Variants in DIAPH3 observed in about 807,000 individuals in gnomAD.
DIAPH3 encodes the protein protein diaphanous homolog 3.
In DIAPH3, 117 loss-of-function variants were observed where a neutral mutation model predicts 144.3. That is an observed-to-expected ratio of 0.81 (90% CI 0.70 to 0.95). DIAPH3 has a LOEUF of 0.95. DIAPH3 is among the 40% of genes least tolerant of loss of function. The pLI is 0.00. For synonymous variants in DIAPH3, 519 were observed against 488.9 expected, an observed-to-expected ratio of 1.06 and a Z score of -0.81; for missense variants, 1,421 against 1,412.7, an observed-to-expected ratio of 1.01 and a Z score of -0.09.
At chr13:59,804,562 T>TA (rs1364071705) in intron 25 of DIAPH3, among the ~76,000 whole-genome samples, 1 of 152,162 alleles carries the variant, frequency 6.6e-6, no homozygotes, top group African/African-American at 2.4e-5. Context: ...ATGTGATCAA[T>TA]AAATGCCAGC....
At chr13:59,856,646 T>C (rs1313991759) in intron 22 of DIAPH3, among the ~76,000 whole-genome samples, 1 of 152,230 alleles carries the variant, frequency 6.6e-6, no homozygotes, top group Non-Finnish European at 1.5e-5. Context: ...GATCTCATTT[T>C]AACTCTCCTC....
chr13:60,130,070 G>A (rs1250809720), intron 2 of DIAPH3, among the ~76,000 whole-genome samples: 1 of 152,198 alleles, frequency 6.6e-6, no homozygotes, highest in Non-Finnish European at 1.5e-5. Context: ...ATTTAAATAA[G>A]TGAACAATCA....
chr13:60,063,218 T>C (rs1273072457), intron 4 of DIAPH3, among the ~76,000 whole-genome samples: 1 of 152,234 alleles, frequency 6.6e-6, no homozygotes, highest in African/African-American at 2.4e-5. Context: ...ATAAACCATT[T>C]TCTTTGCCCA....
At chr13:59,838,454 T>A (rs1239355645) in intron 23 of DIAPH3, 1 of 151,976 alleles carries the variant, frequency 6.6e-6, no homozygotes, top group Non-Finnish European at 1.5e-5. Context: ...TTATTTGGGT[T>A]AGGAAAATAT....
chr13:59,929,550 TGTTC>T (rs1317308495), intron 17 of DIAPH3, among the ~76,000 whole-genome samples: 233 of 147,422 alleles, frequency 1.6e-3, no homozygotes, highest in African/African-American at 5.3e-3. Flanking sequence ...ATCTAAATTT[TGTTC>T]TTTTTTTTTT....
chr13:59,670,883 C>T (rs756225793), intron 27 of DIAPH3, among the ~76,000 whole-genome samples: 3 of 152,110 alleles, frequency 2.0e-5, no homozygotes, highest in South Asian at 2.1e-4. Flanking sequence ...TGCACCCGGC[C>T]GGAAGTTCAC....
At chr13:59,765,176 T>C (rs1281966956) in intron 27 of DIAPH3, among the ~76,000 whole-genome samples, 1 of 152,222 alleles carries the variant, frequency 6.6e-6, no homozygotes, top group Non-Finnish European at 1.5e-5. Flanking sequence ...AACTAGTTTA[T>C]ATTACTTCCG....
chr13:59,987,407 A>G (rs2051472997), intron 12 of DIAPH3, among the ~76,000 whole-genome samples: 2 of 149,720 alleles, frequency 1.3e-5, no homozygotes, highest in African/African-American at 4.9e-5. Flanking sequence ...GCGCACCAGC[A>G]TGGCACATGT....
At chr13:59,992,651 T>C in intron 9 of DIAPH3, 68 bp from the exon 10 acceptor site, 1 of 1,243,952 alleles carries the variant, frequency 8.0e-7, no homozygotes, top group Non-Finnish European at 1.2e-6. Context: ...AAACGTAAAC[T>C]TCAAGGTTTT....
At chr13:60,141,308 T>G (rs1479054235) in intron 1 of DIAPH3, among the ~76,000 whole-genome samples, 1 of 142,844 alleles carries the variant, frequency 7.0e-6, no homozygotes, top group Non-Finnish European at 1.5e-5. Context: ...CCTAGTCTCA[T>G]AATTCTAATT....
At chr13:59,806,422 A>C (rs1019001189) in intron 25 of DIAPH3, among the ~76,000 whole-genome samples, 6 of 152,022 alleles carry the variant, frequency 3.9e-5, no homozygotes, top group African/African-American at 1.4e-4. Context: ...TGGTTATCCA[A>C]AAACCACATA....
chr13:60,105,125 A>AAAAAAAAAAAAAAAAAAAAAAC (rs2058383698), intron 3 of DIAPH3, among the ~76,000 whole-genome samples: 1 of 148,536 alleles, frequency 6.7e-6, no homozygotes, highest in African/African-American at 2.5e-5. Flanking sequence ...AAAAAAAAAA[A>AAAAAAAAAAAAAAAAAAAAAAC]CTGCCAGTGA....
chr13:59,774,314 A>G, intron 26 of DIAPH3, 66 bp from the exon 27 acceptor site: 1 of 1,337,662 alleles, frequency 7.5e-7, no homozygotes, highest in Non-Finnish European at 1.0e-6. Context: ...GGAAAACAGT[A>G]TTAGACATAC....
chr13:60,157,651 T>C (rs1406889265), intron 1 of DIAPH3, among the ~76,000 whole-genome samples: 2 of 152,230 alleles, frequency 1.3e-5, no homozygotes, highest in South Asian at 4.1e-4. Context: ...TTTCCTAATG[T>C]CAAATACCTT....
chr13:59,838,396 ATGTGTGTGTGTG>A (rs572819235), intron 23 of DIAPH3: 1 of 149,760 alleles, frequency 6.7e-6, no homozygotes, highest in Non-Finnish European at 1.5e-5. Context: ...TTAATTATAT[ATGTGTGTGTGTG>A]TGTGTGTGTA....
intron 3 of DIAPH3, among the ~76,000 whole-genome samples, chr13:60,094,044 C>G (rs1189821243): frequency 6.6e-6 from 1 of 152,178 alleles, no homozygotes; most frequent in Non-Finnish European, 1.5e-5. Context: ...TTCATAAGGT[C>G]ACACAATTTC....
chr13:59,672,407 A>C (rs2032422285), intron 27 of DIAPH3, among the ~76,000 whole-genome samples: 1 of 151,826 alleles, frequency 6.6e-6, no homozygotes, highest in Non-Finnish European at 1.5e-5. Context: ...TCCTAAATTG[A>C]CTCCATCTAT....
intron 20 of DIAPH3, among the ~76,000 whole-genome samples, chr13:59,890,971 G>T (rs775922126): frequency 1.3e-5 from 2 of 150,186 alleles, no homozygotes; most frequent in Non-Finnish European, 1.5e-5. Flanking sequence ...AAGTGCAAAT[G>T]AACCAGAATA....
intron 27 of DIAPH3, chr13:59,696,312 A>G (rs977258257): frequency 1.3e-5 from 2 of 152,234 alleles, no homozygotes; most frequent in Non-Finnish European, 2.9e-5. Context: ...GGATTTTAAT[A>G]GTACAATATT....
Sources: allele counts gnomAD v4.1 joint callset (sites outside exome capture counted in the v4.1 genomes callset), GRCh38; gene constraint gnomAD v4.1.1; transcripts MANE v1.5; gene names NCBI Gene and HGNC (gene_info 2026-07-23, HGNC 2026-07-21).